The following DUSP9 variants were observed in gnomAD, a reference collection of about 807,000 sequenced individuals.
DUSP9 encodes dual specificity protein phosphatase 9.
In DUSP9, 4 loss-of-function variants were observed where a neutral mutation model predicts 13.2. The ratio of observed to expected loss-of-function variants is 0.30; its 90% confidence interval spans 0.15 to 0.69. DUSP9 has a LOEUF of 0.69. Among genes scored for constraint, DUSP9 ranks in the 30% least tolerant of loss-of-function variants. The pLI is 0.73. For synonymous variants in DUSP9, 166 were observed against 172.3 expected, an observed-to-expected ratio of 0.96 and a Z score of 0.29; for missense variants, 263 against 355.0, an observed-to-expected ratio of 0.74 and a Z score of 2.08.
chrX:153,649,225 C>T lies in DUSP9; in HGVS notation c.374-7C>T, dbSNP rs1451845422. 1 of 1,208,510 alleles carries T rather than the reference C, an allele frequency of 8.3e-7. No homozygotes were observed. The highest frequency in any genetic ancestry group is 1.7e-5 in the African/African-American group (1 of 57,460). ...GGTCAGCAGGCCCCATGCCCTCTCC[C>T]CAACAGGAGGCTTCAGCAGATTCCA... On this transcript the variant is annotated splice_polypyrimidine_tract_variant and splice_region_variant and intron_variant, in intron 2 of 3. Transcript: ENST00000342782.
At chrX:153,644,958 C>T (rs899311287), upstream of DUSP9, among the ~76,000 whole-genome samples, 6 of 112,779 alleles carry the variant, frequency 5.3e-5, no homozygotes, top group Non-Finnish European at 3.8e-5. Flanking sequence ...GGTCACAGCC[C>T]TGCGCCACCC....
Position 153,650,610 on chromosome X carries a change from G to A in DUSP9, c.*305G>A, listed in dbSNP as rs1392723548. 1.1e-5 allele frequency: 3 copies of A among 281,247 alleles called. No individual in the cohort carries two copies. The highest frequency in any genetic ancestry group is 1.9e-5 in the Non-Finnish European group (3 of 160,503). 23.2% of individuals were successfully genotyped at this position (281,247 alleles called of 1,213,427 possible). A position where few individuals can be genotyped will look rare whatever the true frequency, so the allele number is the denominator to read the frequency against. On this transcript the variant is annotated 3_prime_UTR_variant, in exon 4 of 4. Coordinates refer to ENST00000342782, the MANE Select transcript of DUSP9 (RefSeq NM_001318503.2). ...CTCAGCCAGCTCGGCTAGGCCCTGC[G>A]CCTCCCTGCGCTTCCCCCTTCAGGA...
chrX:153,649,203 C>T (rs1237495452), intron 2 of DUSP9, 29 bp from the exon 3 acceptor site: 7 of 1,196,456 alleles, frequency 5.9e-6, no homozygotes, highest in African/African-American at 1.7e-5. Flanking sequence ...AAGGCCAGGT[C>T]AGCAGGCCCC....
rs909017819 is a variant in DUSP9, at chrX:153,647,905, C to G, written c.-35-14C>G. 3 of 983,831 alleles carry G rather than the reference C, an allele frequency of 3.0e-6. No homozygotes were observed. The African/African-American group carries it at 6.1e-5, about 20-fold the overall frequency. 81.1% of individuals were successfully genotyped at this position (983,831 alleles called of 1,213,427 possible). On this transcript the variant is annotated splice_polypyrimidine_tract_variant and intron_variant, in intron 1 of 3. Coordinates refer to ENST00000342782, the MANE Select transcript of DUSP9 (RefSeq NM_001318503.2). ...CCTCCGGTAGCTCACACCGCGCCTT[C>G]TCTCTCTTCGCAGCGCCCGTGGTCC...
upstream of DUSP9, among the ~76,000 whole-genome samples, chrX:153,644,424 C>T (rs1207776153): frequency 9.3e-6 from 1 of 107,240 alleles, no homozygotes; most frequent in Admixed American, 9.6e-5. Flanking sequence ...CCCAGCACAG[C>T]GCACCCGGGA....
upstream of DUSP9, among the ~76,000 whole-genome samples, chrX:153,644,715 G>A (rs1019357560): frequency 3.6e-5 from 4 of 112,629 alleles, no homozygotes; most frequent in Non-Finnish European, 5.6e-5. Flanking sequence ...GCAGTTAGGT[G>A]CAGGGGAGCC....
rs1387144203 is a variant in DUSP9 at position 153,648,064 on chromosome X, C to T, written c.111C>T (p.Arg37=). 5.6e-6 allele frequency: 6 copies of T among 1,065,799 alleles called. No individual in the cohort carries two copies. Among genetic ancestry groups the T allele is most frequent in the Non-Finnish European group, 6.0e-6 (5 of 831,114 alleles). The allele number at this position is 1,065,799 out of a possible 1,213,427, so 87.8% of individuals were successfully genotyped here. ...CRSRELYESA[R]IGGALSVALP... is the part of the protein sequence containing the mutation. ...GCCGCGAGCTGTACGAGTCGGCGCG[C>T]ATCGGTGGGGCGCTGAGCGTGGCCC... The change falls in exon 2 of 4, where the codon CGC becomes CGT. Residue 37 remains arginine (R), a synonymous_variant. Coordinates refer to ENST00000342782, the MANE Select transcript of DUSP9 (RefSeq NM_001318503.2).
chrX:153,650,199 A>T lies in DUSP9; in HGVS notation c.1049A>T (p.His350Leu), dbSNP rs1557036304. Residue 350 changes from histidine to leucine, a missense_variant, in exon 4 of 4, where the codon CAC becomes CTC. By Grantham distance (99) the His-to-Leu change is moderately conservative. Transcript: ENST00000342782. ...FERSLRLEER[H>L]SQEQGSGGQA... ...CGCAGCTTGCGGCTGGAGGAGCGCC[A>T]CTCGCAGGAGCAGGGCAGTGGGGGG... The T allele has an allele frequency of 5.0e-6, 6 of 1,210,208 alleles. No homozygotes were observed. The highest frequency in any genetic ancestry group is 6.7e-6 in the Non-Finnish European group (6 of 895,206).
upstream of DUSP9, among the ~76,000 whole-genome samples, chrX:153,645,089 G>C (rs782256915): frequency 1.4e-3 from 157 of 112,948 alleles, 2 homozygotes; most frequent in African/African-American, 4.8e-3. Context: ...GCTGGGTGCC[G>C]GTGTCCACCT....
intron 2 of DUSP9, among the ~76,000 whole-genome samples, chrX:153,648,886 A>G (rs1557035978): frequency 8.9e-6 from 1 of 112,537 alleles, no homozygotes; most frequent in Non-Finnish European, 1.9e-5. Flanking sequence ...CAGAGAGCTG[A>G]CATCTGAGTT....
Position 153,648,330 on chromosome X carries a change from G to A in DUSP9, c.373+4G>A. The A allele has an allele frequency of 3.6e-6, 4 of 1,112,927 alleles. No homozygotes were observed. Among genetic ancestry groups the A allele is most frequent in the Non-Finnish European group, 3.5e-6 (3 of 854,027 alleles). 91.7% of individuals were successfully genotyped at this position (1,112,927 alleles called of 1,213,427 possible). On this transcript the variant is annotated splice_donor_region_variant and intron_variant, in intron 2 of 3. Transcript: ENST00000342782. ...TACCTGGCCTACTACCTCCAGGGTA[G>A]GTGCCGCGGGGCCCTCCTTCCAGGG...
chrX:153,649,797 C>T (rs1310490528), intron 3 of DUSP9, 110 bp downstream of exon 3: 20 of 915,236 alleles, frequency 2.2e-5, no homozygotes, highest in Middle Eastern at 4.0e-4. Flanking sequence ...AGCCAAAAGC[C>T]TAGGTGACAG....
upstream of DUSP9, among the ~76,000 whole-genome samples, chrX:153,644,178 C>T (rs1469983166): frequency 3.8e-5 from 4 of 106,481 alleles, no homozygotes; most frequent in Non-Finnish European, 7.8e-5. Flanking sequence ...GGGAGGCTCC[C>T]GGGACCAGAG....
At position 153,650,372 on chromosome X, in the gene DUSP9, G is replaced by C; in HGVS notation, c.*67G>C. The C allele has an allele frequency of 1.2e-6, 1 of 862,795 alleles. No homozygotes were observed. Among genetic ancestry groups the C allele is most frequent in the Non-Finnish European group, 1.6e-6 (1 of 623,886 alleles). 71.1% of individuals were successfully genotyped at this position (862,795 alleles called of 1,213,427 possible). A position where few individuals can be genotyped will look rare whatever the true frequency, so the allele number is the denominator to read the frequency against. On this transcript the variant is annotated 3_prime_UTR_variant, in exon 4 of 4. Transcript: ENST00000342782. ...CACGGGTGTCCCTGCCCACTCGTGT[G>C]GCAAGGGAGGGGAGGGCAGGAGGGC...
upstream of DUSP9, among the ~76,000 whole-genome samples, chrX:153,645,081 TG>T (rs2091183645): frequency 8.9e-6 from 1 of 112,894 alleles, no homozygotes; most frequent in Admixed American, 9.3e-5. Flanking sequence ...GCCCCCAGGC[TG>T]GGTGCCGGTG....
chrX:153,648,347 C>A, intron 2 of DUSP9, 21 bp downstream of exon 2: 1 of 1,095,655 alleles, frequency 9.1e-7, no homozygotes, highest in Non-Finnish European at 1.2e-6. Flanking sequence ...CGGGGCCCTC[C>A]TTCCAGGGGG....
In DUSP9 at chrX:153,648,171, C is replaced by T; in HGVS notation, c.218C>T (p.Pro73Leu). ...CTGCCTGGGCCGCCGCTGCAGCCGC[C>T]CCCGCCTGCCCCCGTGCTCCTGTAC... ...ALLPGPPLQP[P>L]PPAPVLLYDQ... The change falls in exon 2 of 4, where the codon CCC (proline) becomes CTC (leucine). Residue 73 changes from proline (P) to leucine (L), a missense_variant. Pro to Leu is a moderately conservative substitution (Grantham distance 98). Transcript: ENST00000342782. 1.0e-6 allele frequency: 1 copy of T among 1,004,874 alleles called. No homozygotes were observed. The highest frequency in any genetic ancestry group is 1.2e-6 in the Non-Finnish European group (1 of 800,697). 82.8% of individuals were successfully genotyped at this position (1,004,874 alleles called of 1,213,427 possible).
chrX:153,644,528 G>T (rs1342768328), upstream of DUSP9, among the ~76,000 whole-genome samples: 2 of 111,382 alleles, frequency 1.8e-5, no homozygotes, highest in African/African-American at 6.5e-5. Flanking sequence ...GGGGATTAGG[G>T]GGTTGGCTGC....
chrX:153,650,493 C>T lies in DUSP9; in HGVS notation c.*188C>T. The T allele has an allele frequency of 2.4e-6, 1 of 420,372 alleles. No individual in the cohort carries two copies. The highest frequency in any genetic ancestry group is 4.1e-6 in the Non-Finnish European group (1 of 243,599). The allele number at this position is 420,372 out of a possible 1,213,427, so 34.6% of individuals were successfully genotyped here. A position where few individuals can be genotyped will look rare whatever the true frequency, so the allele number is the denominator to read the frequency against. Reference sequence around the variant, plus strand: ...ATGGCGGGACCACGCTCGGAGCCTGCCTCTTCTGCGACTGTTACTTTTTCT... The same window carrying T: ...ATGGCGGGACCACGCTCGGAGCCTGTCTCTTCTGCGACTGTTACTTTTTCT... On this transcript the variant is annotated 3_prime_UTR_variant, in exon 4 of 4. Coordinates refer to ENST00000342782, the MANE Select transcript of DUSP9 (RefSeq NM_001318503.2).
Sources: gnomAD v4.1 joint callset for allele counts (sites outside exome capture counted in the v4.1 genomes callset) on GRCh38, gnomAD v4.1.1 for gene constraint, MANE v1.5 for transcripts, NCBI Gene and HGNC (gene_info 2026-07-23, HGNC 2026-07-21) for gene names.